IL1RL1: variants seen among roughly 807,000 people sequenced by gnomAD.
IL1RL1 encodes the protein interleukin-1 receptor-like 1.
A neutral mutation model predicts 50.9 loss-of-function variants in IL1RL1; 32 were observed. That is an observed-to-expected ratio of 0.63 (90% CI 0.47 to 0.84). IL1RL1 has a LOEUF of 0.84. Among genes scored for constraint, IL1RL1 ranks in the 40% least tolerant of loss-of-function variants. IL1RL1 has a pLI of 0.00. For missense variants in IL1RL1, 773 were observed against 662.9 expected, an observed-to-expected ratio of 1.17 and a Z score of -1.82; for synonymous variants, 275 against 236.0, an observed-to-expected ratio of 1.17 and a Z score of -1.51.
rs754603748 is a variant in IL1RL1 at position 102,347,958 on chromosome 2, C to A, written c.984C>A (p.Ser328Arg). 3 of 1,500,048 alleles carry A rather than the reference C, an allele frequency of 2.0e-6. No individual in the cohort carries two copies. In the South Asian group the frequency reaches 3.4e-5, roughly 17 times the overall value. 92.9% of individuals were successfully genotyped at this position (1,500,048 alleles called of 1,614,324 possible). A position where few individuals can be genotyped will look rare whatever the true frequency, so the allele number is the denominator to read the frequency against. ...TCTTTTGAATAGTTGATCATCATAG[C>A]ATCTACTGCATAATTGCAGTATGTA... ...LSRKNPIDHHSIYCIIAVCSV... is the reference protein window; with the variant it reads ...LSRKNPIDHHRIYCIIAVCSV... Residue 328 changes from serine to arginine, a missense_variant, in exon 9 of 11, where the codon AGC (serine) becomes AGA (arginine). Coordinates refer to ENST00000233954, the MANE Select transcript of IL1RL1 (RefSeq NM_016232.5).
intron 1 of IL1RL1, among the ~76,000 whole-genome samples, chr2:102,327,862 A>G (rs1472785648): frequency 6.6e-6 from 1 of 152,214 alleles, no homozygotes; most frequent in Non-Finnish European, 1.5e-5. Context: ...GGCAATAATT[A>G]ATAGCTTACC....
chr2:102,326,415 C>T (rs868403491), intron 1 of IL1RL1, among the ~76,000 whole-genome samples: 1 of 152,036 alleles, frequency 6.6e-6, no homozygotes, highest in Non-Finnish European at 1.5e-5. Flanking sequence ...ATTGTAAAGA[C>T]CATCAAGGCT....
At chr2:102,316,102 C>A (rs950880) in intron 1 of IL1RL1, among the ~76,000 whole-genome samples, 46,548 of 152,022 alleles carry the variant, frequency 0.31, 7,874 homozygotes, top group Middle Eastern at 0.52. Context: ...CTAGTTCCAC[C>A]CTTATGACGA....
At chr2:102,324,793 G>A (rs1433218824) in intron 1 of IL1RL1, among the ~76,000 whole-genome samples, 2 of 152,220 alleles carry the variant, frequency 1.3e-5, no homozygotes, top group Admixed American at 6.5e-5. Flanking sequence ...AGTTGGCAGC[G>A]AGGCTGTGGG....
chr2:102,349,628 G>A (rs1677877858), intron 10 of IL1RL1, among the ~76,000 whole-genome samples: 1 of 152,174 alleles, frequency 6.6e-6, no homozygotes, highest in South Asian at 2.1e-4. Flanking sequence ...GTAGCCATAG[G>A]CACTAGCTGA....
intron 10 of IL1RL1, 29 bp from the exon 11 acceptor site, chr2:102,351,507 G>A: frequency 6.3e-7 from 1 of 1,590,558 alleles, no homozygotes; most frequent in South Asian, 1.1e-5. Flanking sequence ...AGACTGATAA[G>A]AAATCTGATC....
chr2:102,343,920 TA>T, intron 8 of IL1RL1: 1 of 995,418 alleles, frequency 1.0e-6, no homozygotes, highest in Non-Finnish European at 1.2e-6. Flanking sequence ...GAGAAAATCC[TA>T]GGTGCTACTT....
intron 1 of IL1RL1, among the ~76,000 whole-genome samples, chr2:102,321,872 G>A (rs1249924322): frequency 6.6e-6 from 1 of 152,192 alleles, no homozygotes; most frequent in African/African-American, 2.4e-5. Flanking sequence ...AAACATTATT[G>A]TGCGGTTCGC....
chr2:102,343,063 C>T lies in IL1RL1; in HGVS notation c.710C>T (p.Ala237Val). 6.2e-7 allele frequency: 1 copy of T among 1,614,032 alleles called. No homozygotes were observed. The highest frequency in any genetic ancestry group is 8.5e-7 in the Non-Finnish European group (1 of 1,179,992). Residue 237 changes from alanine (A) to valine (V), a missense_variant, in exon 7 of 11, where the codon GCT (alanine) becomes GTT (valine). Physicochemically the swap from Ala to Val is moderately conservative, Grantham distance 64. Transcript: ENST00000233954. ...IGKNANLTCS[A>V]CFGKGTQFLA... ...AAAAACGCAAACCTAACTTGCTCTGCTTGTTTTGGAAAAGGCACTCAGTTC... is the reference window on the plus strand; with the variant it reads ...AAAAACGCAAACCTAACTTGCTCTGTTTGTTTTGGAAAAGGCACTCAGTTC...
intron 1 of IL1RL1, among the ~76,000 whole-genome samples, chr2:102,325,624 T>C (rs565695728): frequency 4.3e-4 from 66 of 152,090 alleles, no homozygotes; most frequent in African/African-American, 1.6e-3. Flanking sequence ...GATGAATGGC[T>C]AACTAGAATA....
chr2:102,325,447 C>A (rs1336266134), intron 1 of IL1RL1, among the ~76,000 whole-genome samples: 1 of 152,174 alleles, frequency 6.6e-6, no homozygotes, highest in Admixed American at 6.5e-5. Context: ...CAGAGCACCC[C>A]TCCTCCTCCA....
intron 1 of IL1RL1, among the ~76,000 whole-genome samples, chr2:102,330,177 C>T (rs1435519552): frequency 6.6e-6 from 1 of 152,196 alleles, no homozygotes; most frequent in African/African-American, 2.4e-5. Context: ...ATGATGAGTT[C>T]ATGTCCTTTG....
At chr2:102,349,482 G>A (rs1469770637) in intron 10 of IL1RL1, among the ~76,000 whole-genome samples, 1 of 152,162 alleles carries the variant, frequency 6.6e-6, no homozygotes, top group Non-Finnish European at 1.5e-5. Flanking sequence ...AGAGTTAGAA[G>A]TCCTTTGCTT....
Position 102,343,171 on chromosome 2 carries a change from A to G in IL1RL1, c.818A>G (p.Asn273Ser), listed in dbSNP as rs1677641291. ...AGAATTCAACAAGAGGAAGGGCAAA[A>G]TCAAAGGTATTTTTATATTGAAGAG... ...EPRIQQEEGQ[N>S]QSFSNGLACL... The change falls in exon 7 of 11, where the codon AAT becomes AGT. Residue 273 changes from asparagine (N) to serine (S), a missense_variant. By Grantham distance (46) the Asn-to-Ser change is conservative (BLOSUM62 1). Coordinates refer to ENST00000233954, the MANE Select transcript of IL1RL1 (RefSeq NM_016232.5). 1 of 1,614,140 alleles carries G rather than the reference A, an allele frequency of 6.2e-7. No individual in the cohort carries two copies. The highest frequency in any genetic ancestry group is 1.3e-5 in the African/African-American group (1 of 75,036).
intron 1 of IL1RL1, among the ~76,000 whole-genome samples, chr2:102,315,412 T>C (rs566074112): frequency 6.5e-4 from 99 of 152,328 alleles, no homozygotes; most frequent in African/African-American, 2.2e-3. Context: ...TATACTTGAA[T>C]GTCTTTGATT....
In IL1RL1 at chr2:102,311,897, TC is replaced by T. The variant is rs1367537298; in HGVS notation, c.-150+275del. On this transcript the variant is annotated intron_variant, in intron 1 of 10. Transcript: ENST00000233954. ...ATTATATAATATAATATATAATATATCATATATGTTATATATTTTATTATAT... is the reference window on the plus strand; with the variant it reads ...ATTATATAATATAATATATAATATATATATATGTTATATATTTTATTATAT... 4.4e-3 allele frequency among the ~76,000 whole-genome samples: 217 copies of T among 49,666 alleles called. 1 individual carries two copies. The highest frequency in any genetic ancestry group is 6.2e-3 in the Admixed American group (19 of 3,078). 32.6% of individuals were successfully genotyped at this position (49,666 alleles called of 152,430 possible).
At chr2:102,331,321 T>A (rs559317585) in intron 1 of IL1RL1, among the ~76,000 whole-genome samples, 1 of 152,218 alleles carries the variant, frequency 6.6e-6, no homozygotes, top group Non-Finnish European at 1.5e-5. Flanking sequence ...GGACAAAAGA[T>A]GTACATGAAC....
At chr2:102,343,623 C>T (rs1677670461) in intron 8 of IL1RL1, 1 of 1,441,736 alleles carries the variant, frequency 6.9e-7, no homozygotes, top group South Asian at 1.5e-5. Context: ...AATTGTTCGT[C>T]CTCCCCCACT....
chr2:102,329,422 G>A (rs1280862211), intron 1 of IL1RL1, among the ~76,000 whole-genome samples: 2 of 152,152 alleles, frequency 1.3e-5, no homozygotes, highest in Non-Finnish European at 2.9e-5. Context: ...TCAGGACATA[G>A]GCATGGGCAA....
Sources: gnomAD v4.1 joint callset for allele counts (sites outside exome capture counted in the v4.1 genomes callset) on GRCh38, gnomAD v4.1.1 for gene constraint, MANE v1.5 for transcripts, NCBI Gene and HGNC (gene_info 2026-07-23, HGNC 2026-07-21) for gene names.